The following PHF19 variants were observed in gnomAD, a reference collection of about 807,000 sequenced individuals.
PHF19 encodes polycomb like 3.
In PHF19, 21 loss-of-function variants were observed where a neutral mutation model predicts 79.8. That is an observed-to-expected ratio of 0.26 (90% confidence interval 0.19 to 0.38). PHF19 has a LOEUF of 0.38. Among genes scored for constraint, PHF19 ranks in the 10% least tolerant of loss-of-function variants. The pLI is 1.00. For synonymous variants in PHF19, 273 were observed against 296.3 expected (o/e 0.92, Z 0.81); for missense variants, 445 against 744.2 (o/e 0.60, Z 4.68).
rs749624294 is a variant in PHF19 at position 120,860,504 on chromosome 9, A to G, written c.1305-319T>C. On this transcript the variant is annotated intron_variant, in intron 13 of 14. Transcript: ENST00000373896. The surrounding 1 kb of genome is among the most constrained non-coding windows in gnomAD (Gnocchi z 4.1). The stretch of plus-strand genomic sequence containing the variant: ...CATTTGCATTATCTTGTTTGAGGAA[A>G]AGAGCTGAGGAGGTTCAGAGAGGTT... The G allele has an allele frequency of 5.5e-6, 2 of 361,036 alleles. No individual in the cohort carries two copies. Among genetic ancestry groups the G allele is most frequent in the African/African-American group, 2.1e-5 (1 of 47,804 alleles). The allele number at this position is 361,036 out of a possible 1,614,324, so 22.4% of individuals were successfully genotyped here.
upstream of PHF19, among the ~76,000 whole-genome samples, chr9:120,878,601 C>G (rs1169466322): frequency 6.6e-6 from 1 of 152,168 alleles, no homozygotes; most frequent in Non-Finnish European, 1.5e-5. Flanking sequence ...ATCTGTGCAG[C>G]CCCCCACCTC....
At chr9:120,886,819 G>A (rs2046269648) in intron 1 of PHF19, among the ~76,000 whole-genome samples, 1 of 152,140 alleles carries the variant, frequency 6.6e-6, no homozygotes, top group Admixed American at 6.5e-5. Flanking sequence ...GCATCTTAGA[G>A]ATGTGGTTAA....
At chr9:120,883,796 C>T (rs1350201344) in intron 1 of PHF19, among the ~76,000 whole-genome samples, 1 of 148,686 alleles carries the variant, frequency 6.7e-6, no homozygotes, top group Non-Finnish European at 1.5e-5. Context: ...AGCTCCTGGT[C>T]CAGAGCTAGG....
chr9:120,861,022 T>G, intron 13 of PHF19, 67 bp downstream of exon 13: 1 of 921,142 alleles, frequency 1.1e-6, no homozygotes, highest in Non-Finnish European at 1.8e-6. Context: ...AACTGAGGGC[T>G]TGGCTTTCTG....
chr9:120,863,936 GAGAAGGGGAGT>G (rs1264829400), intron 10 of PHF19, 102 bp downstream of exon 10: 17 of 868,924 alleles, frequency 2.0e-5, no homozygotes, highest in Non-Finnish European at 3.2e-5. Context: ...ATGATTCAGA[GAGAAGGGGAGT>G]ATCAGAGAGG....
intron 6 of PHF19, chr9:120,868,722 C>A (rs2045783298): frequency 1.6e-6 from 1 of 613,282 alleles, no homozygotes; most frequent in Non-Finnish European, 2.0e-6. Flanking sequence ...CTTGAGGCCT[C>A]GCCTCCTCAG....
intron 1 of PHF19, among the ~76,000 whole-genome samples, chr9:120,887,185 T>C (rs747328904): frequency 1.3e-5 from 2 of 152,100 alleles, no homozygotes; most frequent in Non-Finnish European, 2.9e-5. Flanking sequence ...CTGGGTGCGG[T>C]GGCTCACATC....
Position 120,869,303 on chromosome 9 carries a change from T to C in PHF19, c.493A>G (p.Ile165Val). 1 of 1,612,954 alleles carries C rather than the reference T, an allele frequency of 6.2e-7. No individual in the cohort carries two copies. ...TTCACGGCCTGCAGCGTCCTGGCGA[T>C]GGCGCCCTTCTTCAGCGCGCCGCCT... ...RKGGALKKGA[I>V]ARTLQAVKMV... is the part of the protein sequence containing the mutation. Residue 165 changes from isoleucine to valine, a missense_variant, in exon 6 of 15, where the codon ATC (isoleucine) becomes GTC (valine). Coordinates refer to ENST00000373896, the MANE Select transcript of PHF19 (RefSeq NM_015651.3). This position sits in a 1 kb window ranked among gnomAD's most constrained non-coding sequence, Gnocchi z 5.8.
At chr9:120,892,001 C>T (rs762426451) in intron 1 of PHF19, among the ~76,000 whole-genome samples, 1 of 152,086 alleles carries the variant, frequency 6.6e-6, no homozygotes, top group Admixed American at 6.5e-5. Flanking sequence ...GGGGACCATG[C>T]GGGGACTGGA....
In PHF19 at chr9:120,860,432, C is replaced by T. The variant is rs868858778; in HGVS notation, c.1305-247G>A. ...TAAGCACTGGTGTCAATAACTCGAG[C>T]GTGATCCAAGGCACCTGTGCAACAC... On this transcript the variant is annotated intron_variant, in intron 13 of 14. Transcript: ENST00000373896. This position sits in a 1 kb window ranked among gnomAD's most constrained non-coding sequence, Gnocchi z 4.1. 8.3e-6 allele frequency: 4 copies of T among 482,106 alleles called. No homozygotes were observed. The highest frequency in any genetic ancestry group is 3.9e-5 in the African/African-American group (2 of 51,024). The allele number at this position is 482,106 out of a possible 1,614,324, so 29.9% of individuals were successfully genotyped here.
At chr9:120,900,915 T>C in the PHF19 span, among the ~76,000 whole-genome samples, 1 of 152,222 alleles carries the variant, frequency 6.6e-6, no homozygotes, top group Non-Finnish European at 1.5e-5. Flanking sequence ...AATTAGTAAT[T>C]GAAGGCATAA....
chr9:120,860,316 A>G lies in PHF19; in HGVS notation c.1305-131T>C. The G allele has an allele frequency of 1.6e-6, 1 of 633,998 alleles. No individual in the cohort carries two copies. Among genetic ancestry groups the G allele is most frequent in the Non-Finnish European group, 2.9e-6 (1 of 345,702 alleles). The allele number at this position is 633,998 out of a possible 1,614,324, so 39.3% of individuals were successfully genotyped here. ...CCGTCTTCCCACAGCTGAGCTTCCC[A>G]CCACCACACCTGTCTGTTTCCTACC... On this transcript the variant is annotated intron_variant, in intron 13 of 14. Transcript: ENST00000373896. The surrounding 1 kb of genome is among the most constrained non-coding windows in gnomAD (Gnocchi z 4.1).
rs186027416 is a variant in PHF19 at position 120,862,372 on chromosome 9, T to C, written c.1130+216A>G. Among the ~76,000 whole-genome samples the C allele has an allele frequency of 8.5e-5, 13 of 152,246 alleles. No individual in the cohort carries two copies. In the East Asian group the frequency reaches 2.5e-3, roughly 29 times the overall value. On this transcript the variant is annotated intron_variant, in intron 11 of 14. Coordinates refer to ENST00000373896, the MANE Select transcript of PHF19 (RefSeq NM_015651.3). The surrounding 1 kb of genome is among the most constrained non-coding windows in gnomAD (Gnocchi z 4.6). ...CAAGTCCTAATCCAGCAAGGCTGGG[T>C]CCTCAGATCTGGCTTTTCCTCCTTG...
chr9:120,877,562 C>A (rs568713985), upstream of PHF19, among the ~76,000 whole-genome samples: 1 of 152,068 alleles, frequency 6.6e-6, no homozygotes, highest in Non-Finnish European at 1.5e-5. Flanking sequence ...ATGGCGCACA[C>A]GACCGCTCGC....
At chr9:120,865,944 G>A (rs41273394) in intron 8 of PHF19, 84 bp downstream of exon 8, 33,637 of 1,580,730 alleles carry the variant, frequency 0.021, 447 homozygotes, top group Non-Finnish European at 0.026. Context: ...CCCAGTAGCT[G>A]GAAATGGAAT....
intron 1 of PHF19, among the ~76,000 whole-genome samples, chr9:120,884,044 G>C (rs561859650): frequency 2.0e-5 from 3 of 152,268 alleles, no homozygotes; most frequent in African/African-American, 7.2e-5. Flanking sequence ...ATGAAGTCTA[G>C]AACAAATGAG....
At chr9:120,882,202 C>T (rs1273987639) in intron 1 of PHF19, among the ~76,000 whole-genome samples, 1 of 152,200 alleles carries the variant, frequency 6.6e-6, no homozygotes, top group Non-Finnish European at 1.5e-5. Flanking sequence ...CAGGGCTTGT[C>T]CCCTCTGCTC....
At chr9:120,876,005 G>C (rs2046037066) in intron 1 of PHF19, 1 of 152,728 alleles carries the variant, frequency 6.5e-6, no homozygotes, top group South Asian at 2.1e-4. Flanking sequence ...GTGACTATCT[G>C]TTCACAGGGA....
At position 120,862,085 on chromosome 9, in the gene PHF19, G is replaced by T. The variant is rs2045545461; in HGVS notation, c.1131-80C>A. ...GTGGCCCAGAGGGAGGCGCCGCAGGGGCGGGGGTCACAGCAGTTGGGGAGA... is the reference window on the plus strand; with the variant it reads ...GTGGCCCAGAGGGAGGCGCCGCAGGTGCGGGGGTCACAGCAGTTGGGGAGA... On this transcript the variant is annotated intron_variant, in intron 11 of 14. Coordinates refer to ENST00000373896, the MANE Select transcript of PHF19 (RefSeq NM_015651.3). The surrounding 1 kb of genome is among the most constrained non-coding windows in gnomAD (Gnocchi z 4.6). 3 of 983,156 alleles carry T rather than the reference G, an allele frequency of 3.1e-6. No individual in the cohort carries two copies. Among genetic ancestry groups the T allele is most frequent in the Non-Finnish European group, 4.9e-6 (3 of 606,498 alleles). The allele number at this position is 983,156 out of a possible 1,614,324, so 60.9% of individuals were successfully genotyped here. A position where few individuals can be genotyped will look rare whatever the true frequency, so the allele number is the denominator to read the frequency against.
Sources: gnomAD v4.1 joint callset for allele counts (sites outside exome capture counted in the v4.1 genomes callset) on GRCh38, gnomAD v4.1.1 for gene constraint, Gnocchi (gnomAD v3.1) non-coding constraint, MANE v1.5 for transcripts, NCBI Gene and HGNC (gene_info 2026-07-23, HGNC 2026-07-21) for gene names.